The following STPG2 variants were observed in gnomAD, a reference collection of about 807,000 sequenced individuals.
STPG2 encodes sperm-tail PG-rich repeat-containing protein 2.
Under a neutral mutation model 54.2 loss-of-function variants are expected in STPG2, and 56 were observed. The observed-to-expected ratio is 1.03, with a 90% CI of 0.83 to 1.29. The LOEUF is 1.29. Among genes scored for constraint, STPG2 ranks in the 50% most tolerant of loss-of-function variants. The probability of loss-of-function intolerance (pLI) is 0.00; values close to 1 mark genes in which losing one functional copy is unlikely to be tolerated. For missense variants in STPG2, 596 were observed against 544.9 expected, an observed-to-expected ratio of 1.09 and a Z score of -0.93; for synonymous variants, 200 against 181.8, an observed-to-expected ratio of 1.10 and a Z score of -0.81.
chr4:97,869,361 A>C (rs1729901556), intron 8 of STPG2, among the ~76,000 whole-genome samples: 1 of 151,826 alleles, frequency 6.6e-6, no homozygotes, highest in African/African-American at 2.4e-5. Flanking sequence ...GTCAGAGCCT[A>C]GGTAAGTTAC....
At chr4:98,060,780 G>A (rs937504991) in intron 5 of STPG2, among the ~76,000 whole-genome samples, 1 of 152,046 alleles carries the variant, frequency 6.6e-6, no homozygotes, top group African/African-American at 2.4e-5. Flanking sequence ...AAAACCACCT[G>A]ATCTTCTGCA....
At chr4:97,769,432 A>C (rs1726159146) in intron 9 of STPG2, among the ~76,000 whole-genome samples, 1 of 152,124 alleles carries the variant, frequency 6.6e-6, no homozygotes, top group Admixed American at 6.5e-5. Context: ...CCCAGACAAA[A>C]GGGCAATAAA....
At position 97,651,075 on chromosome 4, in the gene STPG2, A is replaced by G. The variant is rs904966399; in HGVS notation, c.1320+61624T>C. 2.6e-5 allele frequency among the ~76,000 whole-genome samples: 4 copies of G among 152,104 alleles called. No homozygotes were observed. In the South Asian group the frequency reaches 8.3e-4, roughly 32 times the overall value. On this transcript the variant is annotated intron_variant, in intron 10 of 10. Transcript: ENST00000295268. ...TAAAACATTCTTGCTGAATATAAGC[A>G]AAAGACTATACAAAAGGCACAAGAC...
chr4:98,014,379 G>A (rs981791819), intron 5 of STPG2, among the ~76,000 whole-genome samples: 4 of 152,032 alleles, frequency 2.6e-5, no homozygotes, highest in Admixed American at 6.6e-5. Flanking sequence ...GTGGGCTGCG[G>A]CAACACACTG....
At chr4:97,989,116 G>T (rs1292530031) in intron 5 of STPG2, among the ~76,000 whole-genome samples, 1 of 152,154 alleles carries the variant, frequency 6.6e-6, no homozygotes, top group Non-Finnish European at 1.5e-5. Context: ...GCCATTATTT[G>T]CTGGCTGGTA....
intron 10 of STPG2, among the ~76,000 whole-genome samples, chr4:97,685,026 A>C (rs3913987): frequency 0.59 from 89,301 of 151,698 alleles, 26,596 homozygotes; most frequent in South Asian, 0.68. Context: ...AATAAAATAC[A>C]ACTACATACC....
chr4:97,967,512 T>C (rs994777665), intron 7 of STPG2, among the ~76,000 whole-genome samples: 3 of 152,142 alleles, frequency 2.0e-5, no homozygotes, highest in Non-Finnish European at 4.4e-5. Context: ...GCAGACCTAA[T>C]AGACATCTAC....
intron 8 of STPG2, among the ~76,000 whole-genome samples, chr4:97,909,039 T>TAAG (rs1731571712): frequency 6.8e-6 from 1 of 148,066 alleles, no homozygotes; most frequent in South Asian, 2.1e-4. Context: ...ATAATAATAA[T>TAAG]AATAAGTTGT....
chr4:97,866,834 G>A (rs1729804701), intron 8 of STPG2, among the ~76,000 whole-genome samples: 1 of 151,938 alleles, frequency 6.6e-6, no homozygotes, highest in Non-Finnish European at 1.5e-5. Flanking sequence ...TGAAAGAGGA[G>A]GCAGGGTATC....
intron 5 of STPG2, among the ~76,000 whole-genome samples, chr4:97,991,327 TACAC>T (rs1734998001): frequency 1.3e-5 from 2 of 151,034 alleles, no homozygotes; most frequent in Non-Finnish European, 2.9e-5. Context: ...TATACACACA[TACAC>T]ATATATATAT....
chr4:97,455,252 A>G (rs531697547), intron 4 of STPG2, among the ~76,000 whole-genome samples: 2 of 152,154 alleles, frequency 1.3e-5, no homozygotes, highest in Admixed American at 6.5e-5. Context: ...GGCAGGGCCT[A>G]TGGTTAGGGT....
chr4:97,935,324 A>G (rs1442036658), intron 8 of STPG2, among the ~76,000 whole-genome samples: 5 of 152,076 alleles, frequency 3.3e-5, no homozygotes, highest in African/African-American at 1.2e-4. Flanking sequence ...AATTTTTTCA[A>G]AAACCCAGCT....
chr4:97,638,203 A>G (rs1721628075), intron 10 of STPG2, among the ~76,000 whole-genome samples: 1 of 152,178 alleles, frequency 6.6e-6, no homozygotes, highest in Non-Finnish European at 1.5e-5. Flanking sequence ...ATCTACAACT[A>G]TCTGATCTTT....
At chr4:97,681,667 T>A (rs1230024634) in intron 10 of STPG2, among the ~76,000 whole-genome samples, 2 of 151,854 alleles carry the variant, frequency 1.3e-5, no homozygotes, top group African/African-American at 2.4e-5. Context: ...AAATTGGTAG[T>A]CATCATATTC....
intron 9 of STPG2, among the ~76,000 whole-genome samples, chr4:97,743,041 T>G (rs777089122): frequency 1.3e-5 from 2 of 151,768 alleles, no homozygotes; most frequent in Non-Finnish European, 2.9e-5. Flanking sequence ...AGAAATATAT[T>G]AAAAGTAAAA....
chr4:97,881,904 A>C (rs1471729861), intron 8 of STPG2, among the ~76,000 whole-genome samples: 1 of 152,190 alleles, frequency 6.6e-6, no homozygotes, highest in Non-Finnish European at 1.5e-5. Flanking sequence ...AGGGTATTGA[A>C]AGCTGGAATG....
chr4:97,441,343 C>T (rs1383003605), intron 4 of STPG2: 2 of 151,806 alleles, frequency 1.3e-5, no homozygotes, highest in Non-Finnish European at 2.9e-5. Context: ...ATACATACTG[C>T]TTTTGTAACA....
At chr4:97,795,589 C>T (rs1480823058) in intron 9 of STPG2, among the ~76,000 whole-genome samples, 1 of 152,206 alleles carries the variant, frequency 6.6e-6, no homozygotes, top group Non-Finnish European at 1.5e-5. Context: ...TTAATCCAGT[C>T]TATCATACAT....
intron 10 of STPG2, among the ~76,000 whole-genome samples, chr4:97,567,187 G>A (rs1178909711): frequency 1.4e-5 from 2 of 145,732 alleles, no homozygotes; most frequent in African/African-American, 2.6e-5. Flanking sequence ...AGTCATAGCT[G>A]TAACACACAC....
Sources: allele counts gnomAD v4.1 joint callset (sites outside exome capture counted in the v4.1 genomes callset), GRCh38; gene constraint gnomAD v4.1.1; transcripts MANE v1.5; gene names NCBI Gene and HGNC (gene_info 2026-07-23, HGNC 2026-07-21).